Variants in F10 observed in about 807,000 individuals in gnomAD.
F10 encodes coagulation factor X, also known as Stuart-Prower factor.
A neutral mutation model predicts 37.1 loss-of-function variants in F10; 29 were observed. That is an observed-to-expected ratio of 0.78 (90% CI 0.58 to 1.07). F10 has a LOEUF of 1.07. F10 is among the 50% of genes least tolerant of loss of function. The probability of loss-of-function intolerance (pLI) is 0.00; values close to 1 mark genes in which losing one functional copy is unlikely to be tolerated. For missense variants in F10, 539 were observed against 667.9 expected, an observed-to-expected ratio of 0.81 and a Z score of 2.13; for synonymous variants, 262 against 268.6, an observed-to-expected ratio of 0.98 and a Z score of 0.24.
At chr13:113,127,453 G>C (rs1273297064) in intron 1 of F10, among the ~76,000 whole-genome samples, 1 of 152,136 alleles carries the variant, frequency 6.6e-6, no homozygotes, top group African/African-American at 2.4e-5. Context: ...GACTACAGAG[G>C]GCCAAGAAAA....
Position 113,143,703 on chromosome 13 carries a change from G to GAGCA in F10, c.503-148_503-147insAGCA. On this transcript the variant is annotated intron_variant, in intron 5 of 7. Transcript: ENST00000375559. The surrounding 1 kb of genome is among the most constrained non-coding windows in gnomAD (Gnocchi z 6.8). ...CAGATCCGACCCCTGCCGACGACGT[G>GAGCA]GGGCCTCGCCCTGCAAGCCCGCTGC... The GAGCA allele has an allele frequency of 7.6e-6, 9 of 1,188,328 alleles. No homozygotes were observed. Among genetic ancestry groups the GAGCA allele is most frequent in the Admixed American group, 7.1e-5 (3 of 42,356 alleles). The allele number at this position is 1,188,328 out of a possible 1,614,324, so 73.6% of individuals were successfully genotyped here.
intron 1 of F10, chr13:113,128,291 TAC>T (rs913214217): frequency 6.6e-6 from 1 of 152,200 alleles, no homozygotes; most frequent in Non-Finnish European, 1.5e-5. Context: ...AGAAGTTACA[TAC>T]AGACACCAAT....
intron 2 of F10, among the ~76,000 whole-genome samples, chr13:113,133,190 A>C (rs947727020): frequency 2.0e-5 from 3 of 152,112 alleles, no homozygotes; most frequent in Non-Finnish European, 2.9e-5. Context: ...ATAAACTAGA[A>C]AAAAAGAAAA....
chr13:113,132,769 T>A (rs1268131276), intron 2 of F10, among the ~76,000 whole-genome samples: 1 of 152,242 alleles, frequency 6.6e-6, no homozygotes, highest in Non-Finnish European at 1.5e-5. Context: ...TAATGGACAT[T>A]TATAGGATTC....
In F10 at chr13:113,124,370, C is replaced by T. The variant is rs555066189; in HGVS notation, c.70+1445C>T. Among the ~76,000 whole-genome samples the T allele has an allele frequency of 2.6e-5, 4 of 152,370 alleles. No homozygotes were observed. The East Asian group carries it at 5.8e-4, about 22-fold the overall frequency. ...CAATGGGAAATGCAGGCGCCCACCT[C>T]GCGGACCTCTGGGTCCACAGGGTAT... On this transcript the variant is annotated intron_variant, in intron 1 of 7. Coordinates refer to ENST00000375559, the MANE Select transcript of F10 (RefSeq NM_000504.4).
In F10 at chr13:113,140,957, G is replaced by T. The variant is rs1246753787; in HGVS notation, c.409G>T (p.Asp137Tyr). The T allele has an allele frequency of 6.2e-7, 1 of 1,614,126 alleles. No individual in the cohort carries two copies. Among genetic ancestry groups the T allele is most frequent in the Admixed American group, 1.7e-5 (1 of 60,028 alleles). Residue 137 changes from aspartate (D) to tyrosine (Y), a missense_variant, in exon 5 of 8, where the codon GAC becomes TAC. By Grantham distance (160) the Asp-to-Tyr change is radical. Coordinates refer to ENST00000375559, the MANE Select transcript of F10 (RefSeq NM_000504.4). ...KLCSLDNGDC[D>Y]QFCHEEQNSV... ...CTGCAGCCTGGACAACGGGGACTGTGACCAGTTCTGCCACGAGGAACAGAA... is the reference window on the plus strand; with the variant it reads ...CTGCAGCCTGGACAACGGGGACTGTTACCAGTTCTGCCACGAGGAACAGAA...
intron 1 of F10, among the ~76,000 whole-genome samples, chr13:113,125,449 G>A (rs1035807520): frequency 1.7e-4 from 26 of 152,214 alleles, no homozygotes; most frequent in Admixed American, 5.9e-4. Context: ...CTGTGTGCTC[G>A]AGGATTGCAA....
Position 113,147,483 on chromosome 13 carries a change from C to G in F10, c.852C>G (p.Phe284Leu), listed in dbSNP as rs5959. The G allele has an allele frequency of 1.2e-6, 2 of 1,611,944 alleles. No homozygotes were observed. The highest frequency in any genetic ancestry group is 3.3e-5 in the Admixed American group (2 of 60,000). Residue 284 changes from phenylalanine (F) to leucine (L), a missense_variant, in exon 7 of 8, where the codon TTC becomes TTG. Coordinates refer to ENST00000375559, the MANE Select transcript of F10 (RefSeq NM_000504.4). ...ACTGTCTCTACCAAGCCAAGAGATT[C>G]AAGGTGAGGGTAGGTAAGTGACCAA... ...AAHCLYQAKR[F>L]KVRVGDRNTE...
At chr13:113,147,538 G>C (rs373313696) in intron 7 of F10, 42 bp downstream of exon 7, 2 of 1,150,758 alleles carry the variant, frequency 1.7e-6, no homozygotes, top group Non-Finnish European at 2.6e-6. Flanking sequence ...GAGGGGCACC[G>C]TCACTGTCTG....
At chr13:113,132,046 T>A (rs1164706783) in intron 2 of F10, 1 of 152,254 alleles carries the variant, frequency 6.6e-6, no homozygotes, top group African/African-American at 2.4e-5. Flanking sequence ...CATTGACACG[T>A]CTATCTAGAA....
Position 113,138,467 on chromosome 13 carries a change from G to T in F10, c.242G>T (p.Trp81Leu). The T allele has an allele frequency of 1.5e-6, 2 of 1,369,750 alleles. No individual in the cohort carries two copies. The highest frequency in any genetic ancestry group is 1.7e-5 in the Admixed American group (1 of 58,094). The allele number at this position is 1,369,750 out of a possible 1,614,324, so 84.8% of individuals were successfully genotyped here. ...FEDSDKTNEFWNKYKDGDQCE... is the reference protein window; with the variant it reads ...FEDSDKTNEFLNKYKDGDQCE... ...CTTTTTTCCTTTTAGAATGAATTCTGGAATAAATACAAAGGTCAGTATTTT... is the reference window on the plus strand; with the variant it reads ...CTTTTTTCCTTTTAGAATGAATTCTTGAATAAATACAAAGGTCAGTATTTT... Residue 81 changes from tryptophan to leucine, a missense_variant, in exon 3 of 8, where the codon TGG becomes TTG. Coordinates refer to ENST00000375559, the MANE Select transcript of F10 (RefSeq NM_000504.4).
chr13:113,143,685 G>A lies in F10; in HGVS notation c.503-166G>A, dbSNP rs559477165. Among the ~76,000 whole-genome samples the A allele has an allele frequency of 2.0e-5, 3 of 152,078 alleles. No homozygotes were observed. Among genetic ancestry groups the A allele is most frequent in the Non-Finnish European group, 2.9e-5 (2 of 68,016 alleles). The stretch of plus-strand genomic sequence containing the variant: ...GACAGCTGCGCTCACCTGCAGATCC[G>A]ACCCCTGCCGACGACGTGGGGCCTC... On this transcript the variant is annotated intron_variant, in intron 5 of 7. Coordinates refer to ENST00000375559, the MANE Select transcript of F10 (RefSeq NM_000504.4). The surrounding 1 kb of genome is among the most constrained non-coding windows in gnomAD (Gnocchi z 6.8).
chr13:113,141,483 G>A lies in F10; in HGVS notation c.502+433G>A, dbSNP rs1201640511. Among the ~76,000 whole-genome samples, 1 of 152,208 alleles carries A rather than the reference G, an allele frequency of 6.6e-6. No individual in the cohort carries two copies. The highest frequency in any genetic ancestry group is 1.5e-5 in the Non-Finnish European group (1 of 68,036). ...CGAGGAACTGGAGCTAAGGTGCGGG[G>A]CTGGGATAGGAGTCAGGGGACGCTC... is the stretch of plus-strand genomic sequence containing the variant. On this transcript the variant is annotated intron_variant, in intron 5 of 7. Transcript: ENST00000375559. This position sits in a 1 kb window ranked among gnomAD's most constrained non-coding sequence, Gnocchi z 5.4.
At chr13:113,133,913 G>T (rs2036455763) in intron 2 of F10, among the ~76,000 whole-genome samples, 1 of 152,058 alleles carries the variant, frequency 6.6e-6, no homozygotes, top group Non-Finnish European at 1.5e-5. Flanking sequence ...AAACAAAAGA[G>T]AACATCCACA....
At chr13:113,129,415 G>T in intron 1 of F10, 37 bp from the exon 2 acceptor site, 1 of 1,612,422 alleles carries the variant, frequency 6.2e-7, no homozygotes, top group South Asian at 1.1e-5. Context: ...GGGTGAGGGT[G>T]ACCAGAGCTT....
chr13:113,141,816 C>T lies in F10; in HGVS notation c.502+766C>T, dbSNP rs931734147. Among the ~76,000 whole-genome samples, 5 of 152,212 alleles carry T rather than the reference C, an allele frequency of 3.3e-5. No individual in the cohort carries two copies. Among genetic ancestry groups the T allele is most frequent in the Non-Finnish European group, 7.3e-5 (5 of 68,040 alleles). The stretch of plus-strand genomic sequence containing the variant: ...CTGGCCCGACCCGCAGCGTTGGCCT[C>T]ACCCGGGGGCATATTCGAAGGGCAG... On this transcript the variant is annotated intron_variant, in intron 5 of 7. Transcript: ENST00000375559. The surrounding 1 kb of genome is among the most constrained non-coding windows in gnomAD (Gnocchi z 5.4).
chr13:113,129,815 T>C (rs1029695556), intron 2 of F10, among the ~76,000 whole-genome samples: 3 of 152,192 alleles, frequency 2.0e-5, no homozygotes, highest in African/African-American at 4.8e-5. Flanking sequence ...CGCTGACTCC[T>C]TCCCGGCGAG....
At chr13:113,129,381 G>A in intron 1 of F10, 71 bp from the exon 2 acceptor site, 3 of 1,595,530 alleles carry the variant, frequency 1.9e-6, no homozygotes, top group Non-Finnish European at 2.6e-6. Context: ...ATGGCAGTCA[G>A]GGAGCATAGG....
chr13:113,133,323 A>G (rs888999931), intron 2 of F10, among the ~76,000 whole-genome samples: 3 of 152,172 alleles, frequency 2.0e-5, no homozygotes, highest in Non-Finnish European at 4.4e-5. Context: ...AAACAAACAA[A>G]AACAAGAAAA....
Sources: gnomAD v4.1 joint callset for allele counts (sites outside exome capture counted in the v4.1 genomes callset) on GRCh38, gnomAD v4.1.1 for gene constraint, Gnocchi (gnomAD v3.1) non-coding constraint, MANE v1.5 for transcripts, NCBI Gene and HGNC (gene_info 2026-07-23, HGNC 2026-07-21) for gene names.